Variants in CASQ1 observed in about 807,000 individuals in gnomAD.
The protein encoded by CASQ1 is calsequestrin 1.
In CASQ1, 40 loss-of-function variants were observed where a neutral mutation model predicts 49.5. That is an observed-to-expected ratio of 0.81 (90% confidence interval 0.63 to 1.05). The LOEUF (loss-of-function observed/expected upper bound fraction) is 1.05. Ranked by LOEUF, CASQ1 falls within the 50% of genes least tolerant of loss-of-function variation. The pLI, the probability that CASQ1 is intolerant of heterozygous loss-of-function variation, is 0.00. For synonymous variants in CASQ1, 174 were observed against 187.2 expected (o/e 0.93, Z 0.58); for missense variants, 469 against 486.9 (o/e 0.96, Z 0.35).
chr1:160,195,913 C>T lies in CASQ1; in HGVS notation c.668C>T (p.Thr223Ile), dbSNP rs1243652354. 3.7e-6 allele frequency: 6 copies of T among 1,613,814 alleles called. No homozygotes were observed. Among genetic ancestry groups the T allele is most frequent in the African/African-American group, 1.3e-5 (1 of 74,898 alleles). Residue 223 changes from threonine (T) to isoleucine (I), a missense_variant, in exon 6 of 11, where the codon ACC becomes ATC. Transcript: ENST00000368078. ...CTCCCAAAGGTGGCAAAGAAGCTGA[C>T]CCTGAAGCTGAATGAGATTGATTTC... Reference protein sequence around the residue: ...TFDSKVAKKLTLKLNEIDFYE... With the variant: ...TFDSKVAKKLILKLNEIDFYE...
Position 160,195,963 on chromosome 1 carries a change from G to A in CASQ1, c.718G>A (p.Val240Met). 1 of 1,614,094 alleles carries A rather than the reference G, an allele frequency of 6.2e-7. No individual in the cohort carries two copies. Among genetic ancestry groups the A allele is most frequent in the South Asian group, 1.1e-5 (1 of 91,054 alleles). Residue 240 changes from valine to methionine, a missense_variant, in exon 6 of 11, where the codon GTG (valine) becomes ATG (methionine). Physicochemically the swap from Val to Met is conservative, Grantham distance 21. Transcript: ENST00000368078. ...DFYEAFMEEP[V>M]TIPDKPNSEE... is the part of the protein sequence containing the mutation. ...CTACGAGGCCTTCATGGAAGAGCCT[G>A]TGACCATCCCAGACAAGCCCAATAG...
At chr1:160,195,221 T>G in intron 4 of CASQ1, 98 bp downstream of exon 4, 1 of 808,598 alleles carries the variant, frequency 1.2e-6, no homozygotes, top group Non-Finnish European at 2.0e-6. Context: ...CCTCTACCTC[T>G]GCACTTCCCA....
intron 2 of CASQ1, 139 bp downstream of exon 2, chr1:160,193,025 T>A: frequency 1.5e-6 from 1 of 670,818 alleles, no homozygotes; most frequent in Middle Eastern, 4.1e-4. Flanking sequence ...AAAGAGGGGG[T>A]GAGAAAATAT....
chr1:160,198,655 T>C, intron 7 of CASQ1, 22 bp from the exon 8 acceptor site: 5 of 1,604,432 alleles, frequency 3.1e-6, no homozygotes, highest in Non-Finnish European at 4.3e-6. Flanking sequence ...AAAACCCTGT[T>C]CTCCTTCTTA....
chr1:160,195,433 G>A (rs1359851104), intron 4 of CASQ1, 28 bp from the exon 5 acceptor site: 1 of 1,607,730 alleles, frequency 6.2e-7, no homozygotes, highest in South Asian at 1.1e-5. Context: ...GGTTTCCCCA[G>A]AGACTGACTC....
At position 160,198,274 on chromosome 1, in the gene CASQ1, G is replaced by C. The variant is rs142081233; in HGVS notation, c.829-403G>C. The C allele has an allele frequency of 2.0e-3, 353 of 177,300 alleles. 5 individuals carry two copies. In the East Asian group the frequency reaches 0.026, roughly 13 times the overall value. The allele number at this position is 177,300 out of a possible 1,614,324, so 11.0% of individuals were successfully genotyped here. A position where few individuals can be genotyped will look rare whatever the true frequency, so the allele number is the denominator to read the frequency against. On this transcript the variant is annotated intron_variant, in intron 7 of 10. Transcript: ENST00000368078. ...TAATCCCAGCACTTTGGGAGGCTGAGGCAGGCAGATCATCTGAGGTCAGGA... is the reference window on the plus strand; with the variant it reads ...TAATCCCAGCACTTTGGGAGGCTGACGCAGGCAGATCATCTGAGGTCAGGA...
chr1:160,192,921 C>T (rs1164055340), intron 2 of CASQ1, 35 bp downstream of exon 2: 6 of 1,568,038 alleles, frequency 3.8e-6, no homozygotes, highest in Non-Finnish European at 5.3e-6. Context: ...GGGAAGGTGG[C>T]ATTGAGACAA....
At position 160,198,739 on chromosome 1, in the gene CASQ1, A is replaced by G; in HGVS notation, c.883+8A>G. On this transcript the variant is annotated splice_region_variant and intron_variant, in intron 8 of 10. Transcript: ENST00000368078. ...CAGAGGAAGCTGATCCTGGTGAGGG[A>G]GGAATACCGGGTTGGACTGGAGGGA... is the stretch of plus-strand genomic sequence containing the variant. 6.2e-7 allele frequency: 1 copy of G among 1,612,222 alleles called. No homozygotes were observed. Among genetic ancestry groups the G allele is most frequent in the South Asian group, 1.1e-5 (1 of 91,048 alleles).
chr1:160,192,326 A>G (rs1654097548), intron 1 of CASQ1, among the ~76,000 whole-genome samples: 1 of 151,456 alleles, frequency 6.6e-6, no homozygotes, highest in South Asian at 2.1e-4. Flanking sequence ...ACCCACCACT[A>G]CCCTCCCACC....
In CASQ1 at chr1:160,196,526, G is replaced by A. The variant is rs549825948; in HGVS notation, c.782+499G>A. Among the ~76,000 whole-genome samples the A allele has an allele frequency of 4.0e-5, 6 of 149,804 alleles. No homozygotes were observed. The East Asian group carries it at 1.2e-3, about 29-fold the overall frequency. ...CGAGTCTTACTCTATCCCCTAGGCT[G>A]GAGCACAGTGGCGCCATCTTGGCTC... On this transcript the variant is annotated intron_variant, in intron 6 of 10. Coordinates refer to ENST00000368078, the MANE Select transcript of CASQ1 (RefSeq NM_001231.5).
intron 1 of CASQ1, among the ~76,000 whole-genome samples, chr1:160,191,684 G>T (rs1176795197): frequency 6.6e-6 from 1 of 152,100 alleles, no homozygotes; most frequent in African/African-American, 2.4e-5. Flanking sequence ...TGTGGGAAAA[G>T]TCTCCTCACC....
Position 160,197,632 on chromosome 1 carries a change from G to A in CASQ1, c.828+18G>A. 6.3e-7 allele frequency: 1 copy of A among 1,587,022 alleles called. No homozygotes were observed. Among genetic ancestry groups the A allele is most frequent in the East Asian group, 2.2e-5 (1 of 44,780 alleles). On this transcript the variant is annotated intron_variant, in intron 7 of 10. Transcript: ENST00000368078. ...AGACCTGGGTGAGTGCCCCTGGCCA[G>A]GGTCAAGCCCTCAGGGAAGCATGGG...
At position 160,190,931 on chromosome 1, in the gene CASQ1, G is replaced by C. The variant is rs1654059652; in HGVS notation, c.180G>C (p.Val60=). 2 of 1,614,078 alleles carry C rather than the reference G, an allele frequency of 1.2e-6. No homozygotes were observed. Among genetic ancestry groups the C allele is most frequent in the South Asian group, 2.2e-5 (2 of 91,080 alleles). Residue 60 remains valine, a synonymous_variant, in exon 1 of 11, where the codon GTG becomes GTC. Transcript: ENST00000368078. ...TCAATGCAAAGAACTACAAGAATGT[G>C]TTCAAGAAGTATGAGGTGCTGGCAC... is the stretch of plus-strand genomic sequence containing the variant. The part of the protein sequence containing the change: ...INVNAKNYKN[V]FKKYEVLALL...
At chr1:160,200,317 C>T (rs1034837916) in intron 10 of CASQ1, among the ~76,000 whole-genome samples, 2 of 152,190 alleles carry the variant, frequency 1.3e-5, no homozygotes, top group African/African-American at 2.4e-5. Flanking sequence ...TATGCACACA[C>T]AGTAGGTGCT....
chr1:160,191,036 T>G lies in CASQ1; in HGVS notation c.279+6T>G, dbSNP rs754699536. 1.9e-6 allele frequency: 3 copies of G among 1,612,972 alleles called. No individual in the cohort carries two copies. Among genetic ancestry groups the G allele is most frequent in the Non-Finnish European group, 1.7e-6 (2 of 1,179,566 alleles). On this transcript the variant is annotated splice_donor_region_variant and intron_variant, in intron 1 of 10. Coordinates refer to ENST00000368078, the MANE Select transcript of CASQ1 (RefSeq NM_001231.5). ...TGGAGGAGCTGATCCTGGAGGTGAG[T>G]TGGGGGCACTGCAGGCCTGCAGAGC...
At chr1:160,200,052 C>T (rs185839877) in intron 10 of CASQ1, 127 bp downstream of exon 10, 12 of 705,366 alleles carry the variant, frequency 1.7e-5, no homozygotes, top group Non-Finnish European at 7.9e-6. Flanking sequence ...AGTCTAGTGG[C>T]TGGATGGAGG....
At chr1:160,195,427 TC>T (rs1382527589) in intron 4 of CASQ1, 33 bp from the exon 5 acceptor site, 2 of 1,597,884 alleles carry the variant, frequency 1.3e-6, no homozygotes, top group South Asian at 1.1e-5. Flanking sequence ...GACCCTGGTT[TC>T]CCCAGAGACT....
chr1:160,191,129 G>A (rs1654066594), intron 1 of CASQ1, 99 bp downstream of exon 1: 7 of 1,291,526 alleles, frequency 5.4e-6, no homozygotes, highest in Non-Finnish European at 7.5e-6. Flanking sequence ...GGATCTGGGG[G>A]TGAGGGGCAG....
rs756103982 is a variant in CASQ1, at chr1:160,191,056, C to T, written c.279+26C>T. 22 of 1,609,474 alleles carry T rather than the reference C, an allele frequency of 1.4e-5. No homozygotes were observed. The South Asian group carries it at 2.4e-4, about 18-fold the overall frequency. ...GTGAGTTGGGGGCACTGCAGGCCTG[C>T]AGAGCATGTCTAGCCCCTCTCCGGA... On this transcript the variant is annotated intron_variant, in intron 1 of 10. Coordinates refer to ENST00000368078, the MANE Select transcript of CASQ1 (RefSeq NM_001231.5).
Sources: allele counts gnomAD v4.1 joint callset (sites outside exome capture counted in the v4.1 genomes callset), GRCh38; gene constraint gnomAD v4.1.1; transcripts MANE v1.5; gene names NCBI Gene and HGNC (gene_info 2026-07-23, HGNC 2026-07-21).